LDLRAD3: variants seen among roughly 807,000 people sequenced by gnomAD.
LDLRAD3 encodes low density lipoprotein receptor class A domain containing 3.
LDLRAD3 carries 20 observed loss-of-function variants against 29.4 expected under a neutral mutation model. The observed-to-expected ratio is 0.68, with a 90% CI of 0.48 to 0.99. The LOEUF is 0.99. LDLRAD3 is among the 50% of genes least tolerant of loss of function. The pLI, the probability that LDLRAD3 is intolerant of heterozygous loss-of-function variation, is 0.00. For missense variants in LDLRAD3, 420 were observed against 454.3 expected (o/e 0.92, Z 0.69); for synonymous variants, 157 against 192.7 (o/e 0.81, Z 1.53).
chr11:36,112,392 G>C (rs1398674884), intron 4 of LDLRAD3, among the ~76,000 whole-genome samples: 1 of 152,156 alleles, frequency 6.6e-6, no homozygotes, highest in East Asian at 1.9e-4. Flanking sequence ...GTTGCATAAG[G>C]CCTTCTATTT....
At chr11:36,046,334 C>A (rs75982196) in intron 2 of LDLRAD3, among the ~76,000 whole-genome samples, 4,721 of 152,248 alleles carry the variant, frequency 0.031, 230 homozygotes, top group Admixed American at 0.13. Flanking sequence ...CCATGTGGAA[C>A]TGAGAGTCCA....
rs533625668 is a variant in LDLRAD3 at position 35,970,238 on chromosome 11, G to A, written c.46+26094G>A. 6.6e-5 allele frequency among the ~76,000 whole-genome samples: 10 copies of A among 152,246 alleles called. No individual in the cohort carries two copies. In the South Asian group the frequency reaches 2.1e-3, roughly 32 times the overall value. ...GTGAATGCAAACCAATTTGCAAATG[G>A]GGTCTTGACATATGTAATTCGTTAA... On this transcript the variant is annotated intron_variant, in intron 1 of 5. Coordinates refer to ENST00000315571, the MANE Select transcript of LDLRAD3 (RefSeq NM_174902.4).
At chr11:35,947,920 A>G (rs983608296) in intron 1 of LDLRAD3, among the ~76,000 whole-genome samples, 15 of 152,184 alleles carry the variant, frequency 9.9e-5, no homozygotes, top group African/African-American at 3.4e-4. Context: ...CCCAGGATCT[A>G]TTCAGCAGAG....
At chr11:36,169,525 A>G (rs1854564764) in intron 4 of LDLRAD3, among the ~76,000 whole-genome samples, 1 of 152,168 alleles carries the variant, frequency 6.6e-6, no homozygotes, top group East Asian at 1.9e-4. Context: ...TAGCTCCCAC[A>G]TGTAAGTGAG....
At chr11:36,064,188 TTCATAATTTCATTTTTGG>T (rs1380214539) in intron 2 of LDLRAD3, among the ~76,000 whole-genome samples, 1 of 152,248 alleles carries the variant, frequency 6.6e-6, no homozygotes, top group African/African-American at 2.4e-5. Flanking sequence ...TGGAATTGTT[TTCATAATTTCATTTTTGG>T]ATTGCTGATT....
At chr11:35,964,248 T>C (rs1385366000) in intron 1 of LDLRAD3, among the ~76,000 whole-genome samples, 1 of 152,200 alleles carries the variant, frequency 6.6e-6, no homozygotes, top group East Asian at 1.9e-4. Context: ...GGAAAGTGCT[T>C]TACCCACTGG....
chr11:35,957,001 C>T (rs10836472), intron 1 of LDLRAD3, among the ~76,000 whole-genome samples: 58,895 of 152,160 alleles, frequency 0.39, 11,548 homozygotes, highest in East Asian at 0.58. Context: ...TCCCAAAGTG[C>T]TGGGATTACC....
At chr11:36,185,739 A>G (rs1854839065) in intron 4 of LDLRAD3, among the ~76,000 whole-genome samples, 3 of 152,180 alleles carry the variant, frequency 2.0e-5, no homozygotes, top group African/African-American at 7.2e-5. Flanking sequence ...TCTGAAAGTC[A>G]CCCTTGAAAA....
intron 4 of LDLRAD3, among the ~76,000 whole-genome samples, chr11:36,190,181 C>T (rs1422722061): frequency 6.6e-6 from 1 of 151,990 alleles, no homozygotes; most frequent in Admixed American, 6.5e-5. Context: ...ACTGAAGATA[C>T]AGAATCCTTG....
chr11:36,040,784 TTG>T, intron 2 of LDLRAD3, among the ~76,000 whole-genome samples: 1 of 152,342 alleles, frequency 6.6e-6, no homozygotes, highest in South Asian at 2.1e-4. Context: ...TTGCACCAGT[TTG>T]TTGGCAACAT....
At chr11:36,132,609 G>A (rs1853942377) in intron 4 of LDLRAD3, among the ~76,000 whole-genome samples, 1 of 152,230 alleles carries the variant, frequency 6.6e-6, no homozygotes, top group African/African-American at 2.4e-5. Context: ...TTGTGATAGA[G>A]AAATTGTTCA....
chr11:36,151,478 C>A (rs149494351), intron 4 of LDLRAD3, among the ~76,000 whole-genome samples: 1 of 152,262 alleles, frequency 6.6e-6, no homozygotes, highest in African/African-American at 2.4e-5. Context: ...GAAACTAAGG[C>A]TACAAATGTT....
chr11:35,993,309 G>T (rs1359961138), intron 1 of LDLRAD3, among the ~76,000 whole-genome samples: 4 of 152,212 alleles, frequency 2.6e-5, no homozygotes, highest in Non-Finnish European at 5.9e-5. Flanking sequence ...GCTTAGGGAA[G>T]CTCAGGGCAC....
At position 36,130,174 on chromosome 11, in the gene LDLRAD3, G is replaced by A. The variant is rs577694395; in HGVS notation, c.454+31713G>A. 3.9e-5 allele frequency among the ~76,000 whole-genome samples: 6 copies of A among 152,310 alleles called. No individual in the cohort carries two copies. In the East Asian group the frequency reaches 1.2e-3, roughly 29 times the overall value. ...TTTCAAGTGTGATGATTCGTGTAAGGAAAAGTGTAGGACACGATAGTAGCA... is the reference window on the plus strand; with the variant it reads ...TTTCAAGTGTGATGATTCGTGTAAGAAAAAGTGTAGGACACGATAGTAGCA... On this transcript the variant is annotated intron_variant, in intron 4 of 5. Transcript: ENST00000315571.
intron 4 of LDLRAD3, among the ~76,000 whole-genome samples, chr11:36,150,083 G>A (rs909580731): frequency 6.6e-6 from 1 of 152,160 alleles, no homozygotes; most frequent in Non-Finnish European, 1.5e-5. Context: ...AGGCTGCAGG[G>A]GGTATCGTTT....
At chr11:36,045,539 C>G (rs912432516) in intron 2 of LDLRAD3, among the ~76,000 whole-genome samples, 4 of 152,074 alleles carry the variant, frequency 2.6e-5, no homozygotes, top group Non-Finnish European at 5.9e-5. Flanking sequence ...GTCTGATATA[C>G]TTTGGCCACT....
chr11:36,089,505 G>A (rs1427695725), intron 3 of LDLRAD3, among the ~76,000 whole-genome samples: 9 of 151,300 alleles, frequency 5.9e-5, no homozygotes, highest in Non-Finnish European at 1.5e-5. Flanking sequence ...TCGGCTAACT[G>A]CAACCTCCGC....
chr11:36,008,468 T>G (rs557727008), intron 1 of LDLRAD3, among the ~76,000 whole-genome samples: 3 of 152,312 alleles, frequency 2.0e-5, no homozygotes, highest in Admixed American at 1.3e-4. Flanking sequence ...GAGGGATCCT[T>G]TCTCCCAGGA....
At chr11:36,019,090 T>C (rs1214088436) in intron 1 of LDLRAD3, among the ~76,000 whole-genome samples, 2 of 152,208 alleles carry the variant, frequency 1.3e-5, no homozygotes, top group African/African-American at 4.8e-5. Context: ...TTTTATTTAA[T>C]TAGGTGAAAT....
Sources: allele counts gnomAD v4.1 joint callset (sites outside exome capture counted in the v4.1 genomes callset), GRCh38; gene constraint gnomAD v4.1.1; transcripts MANE v1.5; gene names NCBI Gene and HGNC (gene_info 2026-07-23, HGNC 2026-07-21).